The following NTN1 variants were observed in gnomAD, a reference collection of about 807,000 sequenced individuals.
NTN1 encodes the protein netrin-1.
A neutral mutation model predicts 54.2 loss-of-function variants in NTN1; 11 were observed. That is an observed-to-expected ratio of 0.20 (90% CI 0.13 to 0.34). NTN1 has a LOEUF of 0.34. Ranked by LOEUF, NTN1 falls within the 10% of genes least tolerant of loss-of-function variation. NTN1 has a pLI of 1.00. For synonymous variants in NTN1, 371 were observed against 382.0 expected, an observed-to-expected ratio of 0.97 and a Z score of 0.33; for missense variants, 740 against 893.1, an observed-to-expected ratio of 0.83 and a Z score of 2.18.
At chr17:9,205,580 G>A (rs1008120668) in intron 5 of NTN1, among the ~76,000 whole-genome samples, 2 of 152,280 alleles carry the variant, frequency 1.3e-5, no homozygotes, top group African/African-American at 4.8e-5. Flanking sequence ...CTGTGATTGC[G>A]CCTCTGCGCT....
intron 2 of NTN1, among the ~76,000 whole-genome samples, chr17:9,049,295 G>A (rs79795728): frequency 1.1e-4 from 17 of 152,118 alleles, no homozygotes; most frequent in African/African-American, 2.9e-4. Flanking sequence ...GTACCTTCCC[G>A]CAACCACAGA....
intron 2 of NTN1, among the ~76,000 whole-genome samples, chr17:9,138,624 T>C (rs761265405): frequency 7.2e-5 from 11 of 152,150 alleles, no homozygotes; most frequent in Non-Finnish European, 1.0e-4. Flanking sequence ...CACCTACTTA[T>C]TGGGTGTGCT....
At chr17:9,183,511 C>G (rs2092425199) in intron 5 of NTN1, 1 of 360,476 alleles carries the variant, frequency 2.8e-6, no homozygotes, top group Non-Finnish European at 5.7e-6. Flanking sequence ...ACCGTGGTCA[C>G]TGGCGGAAGT....
intron 2 of NTN1, among the ~76,000 whole-genome samples, chr17:9,028,598 A>G (rs2091878997): frequency 6.6e-6 from 1 of 152,240 alleles, no homozygotes; most frequent in African/African-American, 2.4e-5. Flanking sequence ...GTCCAGAGTA[A>G]ATATTGGAAA....
chr17:9,203,451 T>A (rs1243675631), intron 5 of NTN1, among the ~76,000 whole-genome samples: 1 of 152,152 alleles, frequency 6.6e-6, no homozygotes, highest in East Asian at 1.9e-4. Flanking sequence ...AGGCTCAACA[T>A]AGATGTCTGT....
Position 9,212,894 on chromosome 17 carries a change from C to T in NTN1, c.1412-8274C>T, listed in dbSNP as rs754047231. ...CAGATGCGGTGCCCCTGGCTTCAAC[C>T]GTGGCCGCCGGGCTCTGCCTGCCAT... On this transcript the variant is annotated intron_variant, in intron 5 of 6. Transcript: ENST00000173229. The surrounding 1 kb of genome is among the most constrained non-coding windows in gnomAD (Gnocchi z 5.5). Among the ~76,000 whole-genome samples, 15 of 152,222 alleles carry T rather than the reference C, an allele frequency of 9.9e-5. No individual in the cohort carries two copies. The highest frequency in any genetic ancestry group is 1.4e-4 in the African/African-American group (6 of 41,458).
chr17:9,119,020 C>G (rs2142259685), intron 2 of NTN1, among the ~76,000 whole-genome samples: 1 of 152,256 alleles, frequency 6.6e-6, no homozygotes, highest in South Asian at 2.1e-4. Flanking sequence ...GTGGAATAGC[C>G]AGGTCCTACA....
intron 3 of NTN1, among the ~76,000 whole-genome samples, chr17:9,166,184 CA>C: frequency 6.8e-6 from 1 of 147,082 alleles, no homozygotes; most frequent in Non-Finnish European, 1.5e-5. Flanking sequence ...CCACCACCAC[CA>C]CCACCACCAC....
rs572248525 is a variant in NTN1, at chr17:9,210,489, G to A, written c.1412-10679G>A. Among the ~76,000 whole-genome samples the A allele has an allele frequency of 5.9e-5, 9 of 152,096 alleles. No individual in the cohort carries two copies. The East Asian group carries it at 1.7e-3, about 29-fold the overall frequency. ...ACACTCTTCTGCTGTCTCCTGGGGA[G>A]GGGGTAGCACTTCTCCACAGCAGAA... On this transcript the variant is annotated intron_variant, in intron 5 of 6. Coordinates refer to ENST00000173229, the MANE Select transcript of NTN1 (RefSeq NM_004822.3).
chr17:9,009,803 G>A, the NTN1 span, among the ~76,000 whole-genome samples: 67 of 152,212 alleles, frequency 4.4e-4, 1 homozygote, highest in East Asian at 0.012. Flanking sequence ...CTAAGTTAGC[G>A]GAATTGAATA....
chr17:9,009,315 C>G, the NTN1 span, among the ~76,000 whole-genome samples: 1 of 152,178 alleles, frequency 6.6e-6, no homozygotes, highest in African/African-American at 2.4e-5. Flanking sequence ...CCAGCGCTCT[C>G]TGGGCGACCC....
chr17:9,039,847 G>A (rs184338353), intron 2 of NTN1, among the ~76,000 whole-genome samples: 2 of 152,128 alleles, frequency 1.3e-5, no homozygotes, highest in African/African-American at 4.8e-5. Flanking sequence ...TTCTGGGGGG[G>A]TATTCATTGT....
At chr17:9,185,043 C>T (rs1335189256) in intron 5 of NTN1, among the ~76,000 whole-genome samples, 1 of 152,182 alleles carries the variant, frequency 6.6e-6, no homozygotes, top group African/African-American at 2.4e-5. Flanking sequence ...AAATAAACAC[C>T]CTTATAAAAT....
chr17:9,203,518 G>C (rs1904871701), intron 5 of NTN1, among the ~76,000 whole-genome samples: 1 of 152,128 alleles, frequency 6.6e-6, no homozygotes, highest in Non-Finnish European at 1.5e-5. Context: ...CTGAGGACTG[G>C]TTGGGCGCGG....
At chr17:9,013,105 A>T in the NTN1 span, among the ~76,000 whole-genome samples, 1 of 151,894 alleles carries the variant, frequency 6.6e-6, no homozygotes, top group Non-Finnish European at 1.5e-5. Flanking sequence ...GGGGTCAGGG[A>T]TGCTAAGTGT....
chr17:9,087,030 C>A (rs796392682), intron 2 of NTN1, among the ~76,000 whole-genome samples: 1 of 152,176 alleles, frequency 6.6e-6, no homozygotes, highest in Non-Finnish European at 1.5e-5. Context: ...CATTTAATTT[C>A]CACCGTGACC....
intron 2 of NTN1, among the ~76,000 whole-genome samples, chr17:9,106,187 A>G (rs763320225): frequency 5.3e-5 from 8 of 152,206 alleles, no homozygotes; most frequent in Non-Finnish European, 8.8e-5. Context: ...TTAATTGCAG[A>G]GAAGGACTTC....
At chr17:9,179,741 A>G in intron 3 of NTN1, 66 bp from the exon 4 acceptor site, 3 of 1,549,638 alleles carry the variant, frequency 1.9e-6, no homozygotes, top group Middle Eastern at 3.5e-4. Flanking sequence ...TGGGTAGGGA[A>G]GGCTCTGCGG....
intron 4 of NTN1, among the ~76,000 whole-genome samples, 176 bp from the exon 5 acceptor site, chr17:9,182,740 G>A (rs1421545039): frequency 2.0e-5 from 3 of 152,210 alleles, no homozygotes; most frequent in East Asian, 1.9e-4. Context: ...CCAGGATGCC[G>A]CTGCCAGCTT....
Sources: gnomAD v4.1 joint callset for allele counts (sites outside exome capture counted in the v4.1 genomes callset) on GRCh38, gnomAD v4.1.1 for gene constraint, Gnocchi (gnomAD v3.1) non-coding constraint, MANE v1.5 for transcripts, NCBI Gene and HGNC (gene_info 2026-07-23, HGNC 2026-07-21) for gene names.